The following SMC1B variants were observed in gnomAD, a reference collection of about 807,000 sequenced individuals.
SMC1B encodes structural maintenance of chromosomes 1B.
A neutral mutation model predicts 157.9 loss-of-function variants in SMC1B; 60 were observed. The ratio of observed to expected loss-of-function variants is 0.38; its 90% CI spans 0.31 to 0.47. The LOEUF (loss-of-function observed/expected upper bound fraction) is 0.47, where lower values mean the gene tolerates loss of function less well. Ranked by LOEUF, SMC1B falls within the 20% of genes least tolerant of loss-of-function variation. The pLI is 0.99. For missense variants in SMC1B, 1,165 were observed against 1,426.2 expected, an observed-to-expected ratio of 0.82 and a Z score of 2.95; for synonymous variants, 445 against 483.0, an observed-to-expected ratio of 0.92 and a Z score of 1.03.
intron 12 of SMC1B, among the ~76,000 whole-genome samples, chr22:45,379,206 C>T (rs2146808181): frequency 6.6e-6 from 1 of 152,190 alleles, no homozygotes; most frequent in Admixed American, 6.5e-5. Flanking sequence ...GGTCTCGATC[C>T]CTTGAACCCC....
chr22:45,375,406 CTG>C (rs772225883), intron 12 of SMC1B, among the ~76,000 whole-genome samples: 54 of 152,340 alleles, frequency 3.5e-4, no homozygotes, highest in Middle Eastern at 3.4e-3. Context: ...CCTCCTGAGA[CTG>C]TGTCATGGAT....
At position 45,349,873 on chromosome 22, in the gene SMC1B, G is replaced by A. The variant is rs559519602; in HGVS notation, c.3426-76C>T. On this transcript the variant is annotated intron_variant, in intron 22 of 24. Transcript: ENST00000357450. ...AAAGACTTGGAGGAAAAGATTAACA[G>A]TATTCAGAATAAATAAAACACATTC... 9.8e-5 allele frequency: 112 copies of A among 1,141,080 alleles called. No homozygotes were observed. In the African/African-American group the frequency reaches 1.6e-3, roughly 16 times the overall value. The allele number at this position is 1,141,080 out of a possible 1,614,324, so 70.7% of individuals were successfully genotyped here. A position where few individuals can be genotyped will look rare whatever the true frequency, so the allele number is the denominator to read the frequency against.
At chr22:45,405,869 A>T (rs1003158510) in intron 4 of SMC1B, among the ~76,000 whole-genome samples, 5 of 152,234 alleles carry the variant, frequency 3.3e-5, no homozygotes, top group Admixed American at 1.3e-4. Context: ...AGCATAAGTA[A>T]GATTTAACAC....
At chr22:45,355,677 G>C (rs913126126) in intron 19 of SMC1B, among the ~76,000 whole-genome samples, 4 of 152,176 alleles carry the variant, frequency 2.6e-5, no homozygotes, top group African/African-American at 9.7e-5. Flanking sequence ...ATCCAATCCA[G>C]CTAGACAGGT....
rs1325711970 is a variant in SMC1B, at chr22:45,345,580, TAAA to T, written c.3496-14_3496-12del. 5.9e-6 allele frequency: 9 copies of T among 1,515,952 alleles called. No homozygotes were observed. Among genetic ancestry groups the T allele is most frequent in the African/African-American group, 1.4e-5 (1 of 72,914 alleles). 93.9% of individuals were successfully genotyped at this position (1,515,952 alleles called of 1,614,324 possible). ...GATGTAACTTGACACCTGGAAGAAA[TAAA>T]AACACACATTTCACTAGGAAGGAAA... On this transcript the variant is annotated splice_polypyrimidine_tract_variant and intron_variant, in intron 23 of 24. Coordinates refer to ENST00000357450, the MANE Select transcript of SMC1B (RefSeq NM_148674.5).
chr22:45,367,516 C>A (rs1307069572), intron 15 of SMC1B, among the ~76,000 whole-genome samples: 2 of 152,166 alleles, frequency 1.3e-5, no homozygotes, highest in East Asian at 3.9e-4. Context: ...TGCTGAACAG[C>A]CACTCTAATT....
chr22:45,346,322 G>C (rs1337009630), intron 23 of SMC1B, among the ~76,000 whole-genome samples: 1 of 152,216 alleles, frequency 6.6e-6, no homozygotes, highest in African/African-American at 2.4e-5. Context: ...CAAGTCATTT[G>C]GTTAGAGGTG....
chr22:45,396,677 T>C lies in SMC1B; in HGVS notation c.1114-191A>G, dbSNP rs2087128269. ...GAAAGCTTCCTTTAAAAAAACTGTT[T>C]ATTATTTATTTATTTATTTATATTT... On this transcript the variant is annotated intron_variant, in intron 6 of 24. Transcript: ENST00000357450. 2.0e-5 allele frequency among the ~76,000 whole-genome samples: 3 copies of C among 151,376 alleles called. No individual in the cohort carries two copies. The South Asian group carries it at 6.2e-4, about 31-fold the overall frequency.
chr22:45,355,281 G>A (rs912497955), intron 19 of SMC1B, among the ~76,000 whole-genome samples, 166 bp from the exon 20 acceptor site: 7 of 152,140 alleles, frequency 4.6e-5, no homozygotes, highest in Non-Finnish European at 8.8e-5. Flanking sequence ...TGCAATATTT[G>A]TAGCTTCCTG....
At chr22:45,345,271 A>C (rs1365577617) in intron 24 of SMC1B, among the ~76,000 whole-genome samples, 188 bp downstream of exon 24, 1 of 152,200 alleles carries the variant, frequency 6.6e-6, no homozygotes, top group African/African-American at 2.4e-5. Flanking sequence ...TTTCACTTAA[A>C]ATATATCTTC....
At chr22:45,389,969 T>G in intron 9 of SMC1B, 72 bp from the exon 10 acceptor site, 1 of 1,284,992 alleles carries the variant, frequency 7.8e-7, no homozygotes, top group Non-Finnish European at 1.1e-6. Flanking sequence ...TATTTTCTAA[T>G]GTAACAAAGT....
intron 1 of SMC1B, among the ~76,000 whole-genome samples, chr22:45,409,841 T>C (rs181708959): frequency 3.3e-5 from 5 of 152,336 alleles, no homozygotes; most frequent in African/African-American, 4.8e-5. Flanking sequence ...GTACAAACAA[T>C]ATGATTTAAT....
intron 23 of SMC1B, among the ~76,000 whole-genome samples, chr22:45,348,727 G>T (rs9614459): frequency 0.74 from 110,137 of 148,820 alleles, 41,164 homozygotes; most frequent in African/African-American, 0.82. Flanking sequence ...TGTTTTTTTT[G>T]TTTTGTTTTG....
intron 12 of SMC1B, among the ~76,000 whole-genome samples, chr22:45,379,625 T>G (rs994611175): frequency 6.6e-6 from 1 of 152,120 alleles, no homozygotes; most frequent in Non-Finnish European, 1.5e-5. Context: ...CACTTCTAAT[T>G]CCTTGACTTT....
Position 45,399,220 on chromosome 22 carries a change from C to CT in SMC1B, c.987_988insA (p.Glu330ArgfsTer3), listed in dbSNP as rs756939840. Reference sequence around the variant, plus strand: ...GTCTCCAGGGCTTTTATATCATCTTCCTGTTTAGAACATTGTTTTTCGCTG... The same window carrying CT: ...GTCTCCAGGGCTTTTATATCATCTTCTCTGTTTAGAACATTGTTTTTCGCTG... On this transcript the variant is annotated frameshift_variant, in exon 6 of 25. Coordinates refer to ENST00000357450, the MANE Select transcript of SMC1B (RefSeq NM_148674.5). LOFTEE classifies it high-confidence loss of function. The CT allele has an allele frequency of 2.2e-5, 35 of 1,613,982 alleles. No homozygotes were observed. The highest frequency in any genetic ancestry group is 2.3e-5 in the Non-Finnish European group (27 of 1,180,010).
chr22:45,373,152 A>T (rs541042287), intron 12 of SMC1B, among the ~76,000 whole-genome samples: 1 of 152,160 alleles, frequency 6.6e-6, no homozygotes, highest in African/African-American at 2.4e-5. Context: ...TACATCTGAC[A>T]TGTATTGATT....
rs2086996920 is a variant in SMC1B, at chr22:45,387,009, C to T, written c.1769G>A (p.Gly590Asp). The T allele has an allele frequency of 6.2e-7, 1 of 1,613,852 alleles. No individual in the cohort carries two copies. The highest frequency in any genetic ancestry group is 8.5e-7 in the Non-Finnish European group (1 of 1,179,834). The part of the protein sequence containing the change: ...PINERLRELK[G>D]CKMVIDVIKT... ...TATGACATCAATCACCATTTTACAG[C>T]CTTTAAGCTCCCTTAGTCTTTCATT... The change falls in exon 11 of 25, where the codon GGC (glycine) becomes GAC (aspartate). Residue 590 changes from glycine (G) to aspartate (D), a missense_variant. Transcript: ENST00000357450.
intron 8 of SMC1B, among the ~76,000 whole-genome samples, chr22:45,394,094 G>C (rs136606): frequency 0.12 from 18,577 of 152,002 alleles, 1,255 homozygotes; most frequent in South Asian, 0.23. Context: ...GGTTGAGTGG[G>C]TGGCTGGCTT....
chr22:45,375,446 C>G (rs1290512182), intron 12 of SMC1B, among the ~76,000 whole-genome samples: 1 of 152,192 alleles, frequency 6.6e-6, no homozygotes, highest in African/African-American at 2.4e-5. Context: ...GCAAAATAAA[C>G]TTTCTAAATT....
Sources: gnomAD v4.1 joint callset for allele counts (sites outside exome capture counted in the v4.1 genomes callset) on GRCh38, gnomAD v4.1.1 for gene constraint, MANE v1.5 for transcripts, NCBI Gene and HGNC (gene_info 2026-07-23, HGNC 2026-07-21) for gene names.